Variants in NAA16 observed in about 807,000 individuals in gnomAD.
NAA16 encodes N-alpha-acetyltransferase 16, NatA auxiliary subunit.
NAA16 carries 97 observed loss-of-function variants against 110.3 expected under a neutral mutation model. The ratio of observed to expected loss-of-function variants is 0.88; its 90% confidence interval spans 0.75 to 1.04. The LOEUF (loss-of-function observed/expected upper bound fraction) is 1.04. Among genes scored for constraint, NAA16 ranks in the 50% least tolerant of loss-of-function variants. NAA16 has a pLI of 0.00. For missense variants in NAA16, 1,017 were observed against 1,005.1 expected, an observed-to-expected ratio of 1.01 and a Z score of -0.16; for synonymous variants, 372 against 330.6, an observed-to-expected ratio of 1.13 and a Z score of -1.36.
chr13:41,346,983 C>A (rs530620837), intron 9 of NAA16, among the ~76,000 whole-genome samples: 136 of 152,154 alleles, frequency 8.9e-4, no homozygotes, highest in African/African-American at 3.2e-3. Context: ...CTTTGGGAGG[C>A]TGAGGTGGGT....
At chr13:41,326,506 T>A (rs2042096934) in intron 6 of NAA16, among the ~76,000 whole-genome samples, 1 of 152,224 alleles carries the variant, frequency 6.6e-6, no homozygotes, top group Non-Finnish European at 1.5e-5. Flanking sequence ...TTCTTCTATT[T>A]GAGTATGGTA....
chr13:41,367,661 A>G lies in NAA16; in HGVS notation c.1753+9A>G. 6.4e-7 allele frequency: 1 copy of G among 1,569,712 alleles called. No homozygotes were observed. The highest frequency in any genetic ancestry group is 8.7e-7 in the Non-Finnish European group (1 of 1,149,028). Reference sequence around the variant, plus strand: ...ACAAGAAATAAACTCAGGTAACTGAATAGGAACTTAAAAGATTTTAAAAGG... The same window carrying G: ...ACAAGAAATAAACTCAGGTAACTGAGTAGGAACTTAAAAGATTTTAAAAGG... On this transcript the variant is annotated intron_variant, in intron 14 of 19. Coordinates refer to ENST00000379406, the MANE Select transcript of NAA16 (RefSeq NM_024561.5).
intron 15 of NAA16, among the ~76,000 whole-genome samples, chr13:41,370,361 G>GA (rs936417508): frequency 2.0e-5 from 3 of 152,064 alleles, no homozygotes; most frequent in African/African-American, 7.2e-5. Context: ...TCTATCACAG[G>GA]AAAAAATAAA....
intron 10 of NAA16, among the ~76,000 whole-genome samples, chr13:41,356,588 A>AT (rs2042994225): frequency 6.6e-6 from 1 of 152,164 alleles, no homozygotes; most frequent in East Asian, 1.9e-4. Flanking sequence ...TTCCCCCATT[A>AT]TCCAAAAGAA....
At position 41,375,428 on chromosome 13, in the gene NAA16, A is replaced by G; in HGVS notation, c.2421A>G (p.Ala807=). The change falls in exon 20 of 20, where the codon GCA becomes GCG. Residue 807 remains alanine (A), a synonymous_variant. Coordinates refer to ENST00000379406, the MANE Select transcript of NAA16 (RefSeq NM_024561.5). The part of the protein sequence containing the change: ...DVKTLIKVSE[A]LLDGSFGNCS... ...AGACATTAATAAAGGTTTCTGAAGC[A>G]CTGCTTGATGGCAGCTTTGGGAACT... The G allele has an allele frequency of 1.9e-6, 3 of 1,613,608 alleles. No homozygotes were observed. The highest frequency in any genetic ancestry group is 1.7e-4 in the Middle Eastern group (1 of 6,060).
chr13:41,322,258 C>T (rs1443072081), intron 4 of NAA16, among the ~76,000 whole-genome samples: 2 of 151,958 alleles, frequency 1.3e-5, no homozygotes, highest in Non-Finnish European at 2.9e-5. Flanking sequence ...GTGAAGGACC[C>T]AGGAAGTACA....
chr13:41,323,290 GA>G, intron 5 of NAA16, 100 bp downstream of exon 5: 1 of 1,124,956 alleles, frequency 8.9e-7, no homozygotes, highest in Non-Finnish European at 1.3e-6. Context: ...GAAACCTATG[GA>G]AAACGGGAAA....
chr13:41,330,131 G>T (rs2042197697), intron 7 of NAA16, among the ~76,000 whole-genome samples: 2 of 151,778 alleles, frequency 1.3e-5, no homozygotes, highest in Admixed American at 6.6e-5. Context: ...TTAGTATAAG[G>T]GTCTTTAATA....
At chr13:41,335,658 A>G (rs2042360540) in intron 8 of NAA16, among the ~76,000 whole-genome samples, 1 of 152,216 alleles carries the variant, frequency 6.6e-6, no homozygotes, top group Non-Finnish European at 1.5e-5. Context: ...TACAATCTTT[A>G]TAGTTAATGG....
intron 5 of NAA16, among the ~76,000 whole-genome samples, chr13:41,324,921 A>G (rs1486037498): frequency 6.8e-6 from 1 of 146,848 alleles, no homozygotes; most frequent in African/African-American, 2.5e-5. Context: ...TGGTTAATAG[A>G]CTATAGTGTA....
In NAA16 at chr13:41,375,426, G is replaced by A. The variant is rs553227632; in HGVS notation, c.2419G>A (p.Ala807Thr). Residue 807 changes from alanine to threonine, a missense_variant, in exon 20 of 20, where the codon GCA (alanine) becomes ACA (threonine). Physicochemically the swap from Ala to Thr is moderately conservative, Grantham distance 58. Transcript: ENST00000379406. ...CTAGACATTAATAAAGGTTTCTGAAGCACTGCTTGATGGCAGCTTTGGGAA... is the reference window on the plus strand; with the variant it reads ...CTAGACATTAATAAAGGTTTCTGAAACACTGCTTGATGGCAGCTTTGGGAA... ...DVKTLIKVSEALLDGSFGNCS... is the reference protein window; with the variant it reads ...DVKTLIKVSETLLDGSFGNCS... The A allele has an allele frequency of 7.4e-6, 12 of 1,613,300 alleles. No homozygotes were observed. In the South Asian group the frequency reaches 8.8e-5, roughly 12 times the overall value.
At chr13:41,313,998 A>G (rs918885723) in intron 1 of NAA16, among the ~76,000 whole-genome samples, 4 of 152,026 alleles carry the variant, frequency 2.6e-5, no homozygotes, top group Admixed American at 1.3e-4. Flanking sequence ...CTGAGATTAC[A>G]GGTTGACTTG....
At chr13:41,369,854 A>G (rs1460912665) in intron 15 of NAA16, among the ~76,000 whole-genome samples, 1 of 152,196 alleles carries the variant, frequency 6.6e-6, no homozygotes, top group East Asian at 1.9e-4. Flanking sequence ...TCCTGCTGAC[A>G]CCTTGATTGT....
chr13:41,362,577 T>C, intron 13 of NAA16: 2 of 550,902 alleles, frequency 3.6e-6, no homozygotes, highest in Non-Finnish European at 5.7e-6. Context: ...ATATTTGCTC[T>C]CACATTCAGT....
chr13:41,344,814 C>T (rs556516387), intron 9 of NAA16, among the ~76,000 whole-genome samples: 10 of 152,230 alleles, frequency 6.6e-5, no homozygotes, highest in African/African-American at 2.4e-4. Context: ...CAGAGTTGTG[C>T]AATCATCACT....
In NAA16 at chr13:41,367,670, T is replaced by G; in HGVS notation, c.1753+18T>G. ...AAACTCAGGTAACTGAATAGGAACTTAAAAGATTTTAAAAGGACACTAAAT... is the reference window on the plus strand; with the variant it reads ...AAACTCAGGTAACTGAATAGGAACTGAAAAGATTTTAAAAGGACACTAAAT... On this transcript the variant is annotated intron_variant, in intron 14 of 19. Transcript: ENST00000379406. 1.3e-6 allele frequency: 2 copies of G among 1,489,522 alleles called. No homozygotes were observed. The highest frequency in any genetic ancestry group is 1.8e-6 in the Non-Finnish European group (2 of 1,086,446). The allele number at this position is 1,489,522 out of a possible 1,614,324, so 92.3% of individuals were successfully genotyped here. A position where few individuals can be genotyped will look rare whatever the true frequency, so the allele number is the denominator to read the frequency against.
At chr13:41,323,288 T>C (rs907212682) in intron 5 of NAA16, 98 bp downstream of exon 5, 44 of 1,219,806 alleles carry the variant, frequency 3.6e-5, no homozygotes, top group Non-Finnish European at 4.8e-5. Flanking sequence ...TTGAAACCTA[T>C]GGAAAACGGG....
At chr13:41,363,869 G>A (rs891966032) in intron 13 of NAA16, among the ~76,000 whole-genome samples, 1 of 152,082 alleles carries the variant, frequency 6.6e-6, no homozygotes, top group African/African-American at 2.4e-5. Flanking sequence ...CCAGTTGTAA[G>A]CTAGTCTTCA....
chr13:41,360,829 ATAGT>A lies in NAA16; in HGVS notation c.1411-1200_1411-1197del, dbSNP rs577207941. Among the ~76,000 whole-genome samples, 8 of 152,210 alleles carry A rather than the reference ATAGT, an allele frequency of 5.3e-5. No homozygotes were observed. In the South Asian group the frequency reaches 1.7e-3, roughly 32 times the overall value. On this transcript the variant is annotated intron_variant, in intron 12 of 19. Transcript: ENST00000379406. ...GTACAAAGTTGCTGATACATGTTGG[ATAGT>A]TCTAGTTGATAAACTTTTTGAAATG...
Sources: gnomAD v4.1 joint callset for allele counts (sites outside exome capture counted in the v4.1 genomes callset) on GRCh38, gnomAD v4.1.1 for gene constraint, MANE v1.5 for transcripts, NCBI Gene and HGNC (gene_info 2026-07-23, HGNC 2026-07-21) for gene names.